AOC1: variants seen among roughly 807,000 people sequenced by gnomAD.
AOC1 encodes the protein amine oxidase copper containing 1.
Under a neutral mutation model 57.1 loss-of-function variants are expected in AOC1, and 58 were observed. The observed-to-expected ratio is 1.02, with a 90% CI of 0.82 to 1.26. The LOEUF is 1.26. Ranked by LOEUF, AOC1 falls within the 50% of genes most tolerant of loss-of-function variation. AOC1 has a pLI of 0.00. For synonymous variants in AOC1, 401 were observed against 423.4 expected, an observed-to-expected ratio of 0.95 and a Z score of 0.65; for missense variants, 917 against 1,005.3, an observed-to-expected ratio of 0.91 and a Z score of 1.19.
Position 150,857,051 on chromosome 7 carries a change from C to G in AOC1, c.581C>G (p.Ser194Cys), listed in dbSNP as rs879239830. The G allele has an allele frequency of 9.3e-6, 15 of 1,614,016 alleles. No homozygotes were observed. The highest frequency in any genetic ancestry group is 1.3e-5 in the Non-Finnish European group (15 of 1,180,008). Residue 194 changes from serine (S) to cysteine (C), a missense_variant, in exon 2 of 5, where the codon TCT becomes TGT. Ser to Cys is a moderately radical substitution (Grantham distance 112, BLOSUM62 -1). Coordinates refer to ENST00000360937, the MANE Select transcript of AOC1 (RefSeq NM_001091.4). The surrounding 1 kb of genome is among the most constrained non-coding windows in gnomAD (Gnocchi z 6.6). Reference sequence around the variant, plus strand: ...GATGTGGCCCCCCGGGGTGTGGCTTCTGGCCAGCGCCGCAGTTGGCTTATC... The same window carrying G: ...GATGTGGCCCCCCGGGGTGTGGCTTGTGGCCAGCGCCGCAGTTGGCTTATC... ...FTDVAPRGVA[S>C]GQRRSWLIIQ...
intron 3 of AOC1, 66 bp downstream of exon 3, chr7:150,859,114 G>A: frequency 1.4e-6 from 2 of 1,441,826 alleles, no homozygotes; most frequent in Non-Finnish European, 1.8e-6. Flanking sequence ...GTCTGTGTCT[G>A]TCTGTGTTTG....
chr7:150,860,301 AGGGGGGC>A, intron 3 of AOC1, 193 bp from the exon 4 acceptor site: 1 of 695,128 alleles, frequency 1.4e-6, no homozygotes, highest in African/African-American at 2.1e-5. Context: ...GCATTTGGGG[AGGGGGGC>A]GGGGAGGACT....
At chr7:150,859,190 T>C (rs553470621) in intron 3 of AOC1, 142 bp downstream of exon 3, 17 of 1,025,324 alleles carry the variant, frequency 1.7e-5, no homozygotes, top group Non-Finnish European at 2.1e-5. Context: ...GTGTGTACAA[T>C]TGACCCTGAA....
rs1295458183 is a variant in AOC1, at chr7:150,860,935, T to A, written c.1990-8T>A. 3.1e-6 allele frequency: 5 copies of A among 1,608,914 alleles called. No homozygotes were observed. The highest frequency in any genetic ancestry group is 4.2e-6 in the Non-Finnish European group (5 of 1,178,336). ...CCTGCCCACTGAAGCCCACCCTGTC[T>A]CCTGCAGGACCTGGTGGCCTGGGTG... On this transcript the variant is annotated splice_region_variant and splice_polypyrimidine_tract_variant and intron_variant, in intron 4 of 4. Coordinates refer to ENST00000360937, the MANE Select transcript of AOC1 (RefSeq NM_001091.4).
chr7:150,861,403 G>T lies in AOC1; in HGVS notation c.*194G>T. The stretch of plus-strand genomic sequence containing the variant: ...ACACACAGACATGCACACACACACA[G>T]ACGTGCACACACACAGACGTGCACG... On this transcript the variant is annotated 3_prime_UTR_variant, in exon 5 of 5. Coordinates refer to ENST00000360937, the MANE Select transcript of AOC1 (RefSeq NM_001091.4). This position sits in a 1 kb window ranked among gnomAD's most constrained non-coding sequence, Gnocchi z 4.5. 1 of 592,242 alleles carries T rather than the reference G, an allele frequency of 1.7e-6. No homozygotes were observed. The highest frequency in any genetic ancestry group is 2.8e-6 in the Non-Finnish European group (1 of 353,280). 36.7% of individuals were successfully genotyped at this position (592,242 alleles called of 1,614,324 possible). A position where few individuals can be genotyped will look rare whatever the true frequency, so the allele number is the denominator to read the frequency against.
chr7:150,858,526 G>A (rs1335152035), intron 2 of AOC1, among the ~76,000 whole-genome samples: 2 of 152,116 alleles, frequency 1.3e-5, no homozygotes, highest in Non-Finnish European at 2.9e-5. Flanking sequence ...GGAGAAAAAT[G>A]GGTGCCCCTG....
intron 1 of AOC1, among the ~76,000 whole-genome samples, chr7:150,854,604 G>A (rs1018316498): frequency 6.6e-6 from 1 of 152,208 alleles, no homozygotes; most frequent in African/African-American, 2.4e-5. Flanking sequence ...GGGACAATGT[G>A]CAGCTGAGCT....
Position 150,857,943 on chromosome 7 carries a change from C to T in AOC1, c.1473C>T (p.Thr491=), listed in dbSNP as rs374520146. ...ATGYVHATFY[T]PEGLRHGTRL... is the part of the protein sequence containing the mutation. ...GCTACGTCCACGCCACCTTCTACAC[C>T]CCCGAGGGGCTGCGCCACGGCACTC... The change falls in exon 2 of 5, where the codon ACC becomes ACT. Residue 491 remains threonine, a synonymous_variant. Coordinates refer to ENST00000360937, the MANE Select transcript of AOC1 (RefSeq NM_001091.4). The surrounding 1 kb of genome is among the most constrained non-coding windows in gnomAD (Gnocchi z 6.6). 58 of 1,609,176 alleles carry T rather than the reference C, an allele frequency of 3.6e-5. No homozygotes were observed. Among genetic ancestry groups the T allele is most frequent in the East Asian group, 1.8e-4 (8 of 44,854 alleles).
chr7:150,856,365 A>G lies in AOC1; in HGVS notation c.-16-90A>G. 1 of 1,447,060 alleles carries G rather than the reference A, an allele frequency of 6.9e-7. No homozygotes were observed. The highest frequency in any genetic ancestry group is 9.2e-7 in the Non-Finnish European group (1 of 1,090,854). 89.6% of individuals were successfully genotyped at this position (1,447,060 alleles called of 1,614,324 possible). On this transcript the variant is annotated intron_variant, in intron 1 of 4. Transcript: ENST00000360937. This position sits in a 1 kb window ranked among gnomAD's most constrained non-coding sequence, Gnocchi z 5.2. ...GGGGCAGGGCAAGGGGAGGAAGCTCAGTCCATGGGAAAATTCCATGGCCCT... is the reference window on the plus strand; with the variant it reads ...GGGGCAGGGCAAGGGGAGGAAGCTCGGTCCATGGGAAAATTCCATGGCCCT...
Position 150,856,382 on chromosome 7 carries a change from C to A in AOC1, c.-16-73C>A. ...GGAAGCTCAGTCCATGGGAAAATTCCATGGCCCTAACCTGAGGGAAGCCCA... is the reference window on the plus strand; with the variant it reads ...GGAAGCTCAGTCCATGGGAAAATTCAATGGCCCTAACCTGAGGGAAGCCCA... On this transcript the variant is annotated intron_variant, in intron 1 of 4. Transcript: ENST00000360937. This position sits in a 1 kb window ranked among gnomAD's most constrained non-coding sequence, Gnocchi z 5.2. The A allele has an allele frequency of 6.7e-7, 1 of 1,487,274 alleles. No homozygotes were observed. Among genetic ancestry groups the A allele is most frequent in the South Asian group, 1.4e-5 (1 of 73,760 alleles). The allele number at this position is 1,487,274 out of a possible 1,614,324, so 92.1% of individuals were successfully genotyped here. A position where few individuals can be genotyped will look rare whatever the true frequency, so the allele number is the denominator to read the frequency against.
intron 1 of AOC1, among the ~76,000 whole-genome samples, chr7:150,855,297 G>A (rs913613833): frequency 6.6e-6 from 1 of 152,190 alleles, no homozygotes; most frequent in South Asian, 2.1e-4. Flanking sequence ...ACAAGTTAGG[G>A]TCTGGAGAAA....
At position 150,858,763 on chromosome 7, in the gene AOC1, G is replaced by T. The variant is rs1216514376; in HGVS notation, c.1571G>T (p.Gly524Val). Reference sequence around the variant, plus strand: ...TCTCCTTCTCCCTGCATACCTCCAGGCACCAAGAACAGCTTCCAGACACTG... The same window carrying T: ...TCTCCTTCTCCCTGCATACCTCCAGTCACCAAGAACAGCTTCCAGACACTG... ...VHYRVDLDVA[G>V]TKNSFQTLQM... Residue 524 changes from glycine to valine, a missense_variant and splice_region_variant, in exon 3 of 5, where the codon GGC becomes GTC. Coordinates refer to ENST00000360937, the MANE Select transcript of AOC1 (RefSeq NM_001091.4). The T allele has an allele frequency of 1.3e-6, 2 of 1,592,170 alleles. No homozygotes were observed.
rs754862585 is a variant in AOC1, at chr7:150,857,742, G to C, written c.1272G>C (p.Gly424=). The change falls in exon 2 of 5, where the codon GGG becomes GGC. Residue 424 remains glycine, a synonymous_variant. Transcript: ENST00000360937. This position sits in a 1 kb window ranked among gnomAD's most constrained non-coding sequence, Gnocchi z 6.6. ...RALCLFEMPT[G]VPLRRHFNSN... ...TCTGCCTCTTTGAAATGCCCACAGGGGTGCCCCTTCGGCGGCACTTTAATT... is the reference window on the plus strand; with the variant it reads ...TCTGCCTCTTTGAAATGCCCACAGGCGTGCCCCTTCGGCGGCACTTTAATT... 1 of 1,614,154 alleles carries C rather than the reference G, an allele frequency of 6.2e-7. No homozygotes were observed. Among genetic ancestry groups the C allele is most frequent in the East Asian group, 2.2e-5 (1 of 44,888 alleles).
In AOC1 at chr7:150,857,376, G is replaced by A. The variant is rs748792883; in HGVS notation, c.906G>A (p.Leu302=). 4.0e-5 allele frequency: 64 copies of A among 1,608,512 alleles called. No individual in the cohort carries two copies. Among genetic ancestry groups the A allele is most frequent in the Non-Finnish European group, 5.4e-5 (63 of 1,177,130 alleles). The part of the protein sequence containing the change: ...PSPIHVSGPR[L]VQPHGPRFRL... ...CCATCCATGTGAGCGGCCCCCGCTT[G>A]GTCCAGCCCCACGGCCCTCGCTTCA... Residue 302 remains leucine (L), a synonymous_variant, in exon 2 of 5, where the codon TTG becomes TTA. Transcript: ENST00000360937. This position sits in a 1 kb window ranked among gnomAD's most constrained non-coding sequence, Gnocchi z 6.6.
In AOC1 at chr7:150,857,755, C is replaced by T. The variant is rs781444240; in HGVS notation, c.1285C>T (p.Arg429Trp). The stretch of plus-strand genomic sequence containing the variant: ...AATGCCCACAGGGGTGCCCCTTCGG[C>T]GGCACTTTAATTCCAACTTTAAAGG... ...FEMPTGVPLR[R>W]HFNSNFKGGF... is the part of the protein sequence containing the mutation. Residue 429 changes from arginine to tryptophan, a missense_variant, in exon 2 of 5, where the codon CGG (arginine) becomes TGG (tryptophan). Physicochemically the swap from Arg to Trp is moderately radical, Grantham distance 101. Coordinates refer to ENST00000360937, the MANE Select transcript of AOC1 (RefSeq NM_001091.4). This position sits in a 1 kb window ranked among gnomAD's most constrained non-coding sequence, Gnocchi z 6.6. 9 of 1,614,072 alleles carry T rather than the reference C, an allele frequency of 5.6e-6. No homozygotes were observed. The highest frequency in any genetic ancestry group is 1.3e-5 in the African/African-American group (1 of 74,922).
At chr7:150,860,210 G>A (rs1182032653) in intron 3 of AOC1, among the ~76,000 whole-genome samples, 1 of 150,228 alleles carries the variant, frequency 6.7e-6, no homozygotes, top group Non-Finnish European at 1.5e-5. Flanking sequence ...AAGAAGGAAG[G>A]AAAGAGAGAG....
intron 2 of AOC1, 129 bp from the exon 3 acceptor site, chr7:150,858,634 C>A: frequency 9.5e-7 from 1 of 1,057,844 alleles, no homozygotes; most frequent in Non-Finnish European, 1.4e-6. Context: ...CAGGGCATCC[C>A]CCAACATCCC....
chr7:150,857,506 A>G lies in AOC1; in HGVS notation c.1036A>G (p.Ile346Val), dbSNP rs2116833837. The change falls in exon 2 of 5, where the codon ATT (isoleucine) becomes GTT (valine). Residue 346 changes from isoleucine to valine, a missense_variant. Ile to Val is a conservative substitution (Grantham distance 29). Coordinates refer to ENST00000360937, the MANE Select transcript of AOC1 (RefSeq NM_001091.4). This position sits in a 1 kb window ranked among gnomAD's most constrained non-coding sequence, Gnocchi z 6.6. ...GAACGTGCACTTCGGCGGAGAGCGC[A>G]TTGCCTATGAGGTCAGCGTGCAAGA... Reference protein sequence around the residue: ...VLNVHFGGERIAYEVSVQEAV... With the variant: ...VLNVHFGGERVAYEVSVQEAV... 5 of 1,613,840 alleles carry G rather than the reference A, an allele frequency of 3.1e-6. No individual in the cohort carries two copies. The highest frequency in any genetic ancestry group is 4.2e-6 in the Non-Finnish European group (5 of 1,179,960).
rs1213916759 is a variant in AOC1, at chr7:150,854,272, C to T, written c.-17+1714C>T. ...GGGACATCCCCATGAGAGGCCATGA[C>T]CATGGAGCAAAACGAGGGCAAGGGG... is the stretch of plus-strand genomic sequence containing the variant. On this transcript the variant is annotated intron_variant, in intron 1 of 4. Transcript: ENST00000360937. 4 of 152,256 alleles carry T rather than the reference C, an allele frequency of 2.6e-5. No individual in the cohort carries two copies. The East Asian group carries it at 7.8e-4, about 30-fold the overall frequency. The allele number at this position is 152,256 out of a possible 1,614,324, so 9.4% of individuals were successfully genotyped here.
Sources: gnomAD v4.1 joint callset for allele counts (sites outside exome capture counted in the v4.1 genomes callset) on GRCh38, gnomAD v4.1.1 for gene constraint, Gnocchi (gnomAD v3.1) non-coding constraint, MANE v1.5 for transcripts, NCBI Gene and HGNC (gene_info 2026-07-23, HGNC 2026-07-21) for gene names.